The following MDGA2 variants were observed in gnomAD, a reference collection of about 807,000 sequenced individuals.
MDGA2 encodes the protein MAM domain-containing glycosylphosphatidylinositol anchor protein 2.
Under a neutral mutation model 117.8 loss-of-function variants are expected in MDGA2, and 40 were observed. The ratio of observed to expected loss-of-function variants is 0.34; its 90% CI spans 0.26 to 0.44. The LOEUF is 0.44. MDGA2 is among the 20% of genes least tolerant of loss of function. MDGA2 has a pLI of 1.00. For missense variants in MDGA2, 1,123 were observed against 1,250.6 expected (o/e 0.90, Z 1.54); for synonymous variants, 452 against 439.0 (o/e 1.03, Z -0.37).
chr14:47,552,961 T>C (rs1442332908), intron 1 of MDGA2, among the ~76,000 whole-genome samples: 1 of 152,204 alleles, frequency 6.6e-6, no homozygotes, highest in Non-Finnish European at 1.5e-5. Context: ...CGTTCAGATA[T>C]TTACTCAAAT....
chr14:47,491,651 C>G (rs1343250401), intron 1 of MDGA2, among the ~76,000 whole-genome samples: 1 of 152,026 alleles, frequency 6.6e-6, no homozygotes, highest in Non-Finnish European at 1.5e-5. Context: ...GAACTGGTAT[C>G]CCAGATATAC....
Position 47,155,349 on chromosome 14 carries a change from C to T in MDGA2, c.596-11075G>A, listed in dbSNP as rs139850900. ...ACATGCCTCCCTGCTTGCCACATTGCGGATGATGAGAAGAAGAGAAGACAG... is the reference window on the plus strand; with the variant it reads ...ACATGCCTCCCTGCTTGCCACATTGTGGATGATGAGAAGAAGAGAAGACAG... On this transcript the variant is annotated intron_variant, in intron 3 of 16. Coordinates refer to ENST00000399232, the MANE Select transcript of MDGA2 (RefSeq NM_001113498.3). Among the ~76,000 whole-genome samples, 310 of 151,948 alleles carry T rather than the reference C, an allele frequency of 2.0e-3. 1 individual carries two copies. The highest frequency in any genetic ancestry group is 3.4e-3 in the Non-Finnish European group (230 of 68,002).
intron 1 of MDGA2, among the ~76,000 whole-genome samples, chr14:47,345,076 C>A (rs970185313): frequency 1.3e-5 from 2 of 151,912 alleles, no homozygotes; most frequent in Non-Finnish European, 2.9e-5. Context: ...TCTCACATTT[C>A]TCTCCTTAGG....
intron 9 of MDGA2, among the ~76,000 whole-genome samples, chr14:46,941,705 T>C (rs910679843): frequency 2.0e-5 from 3 of 151,990 alleles, no homozygotes; most frequent in Non-Finnish European, 1.5e-5. Flanking sequence ...GTACTAAACA[T>C]AGGATATTAA....
intron 1 of MDGA2, among the ~76,000 whole-genome samples, chr14:47,448,466 C>A (rs1458795648): frequency 6.6e-6 from 1 of 151,998 alleles, no homozygotes; most frequent in Non-Finnish European, 1.5e-5. Flanking sequence ...TCCCCCCACT[C>A]CAATCAACAA....
At chr14:47,339,422 C>A (rs1318486639) in intron 1 of MDGA2, among the ~76,000 whole-genome samples, 3 of 151,968 alleles carry the variant, frequency 2.0e-5, no homozygotes, top group Admixed American at 6.6e-5. Flanking sequence ...GGAATTTAAT[C>A]CCCAGTGTGG....
chr14:47,607,855 T>C, intron 1 of MDGA2, among the ~76,000 whole-genome samples: 1 of 152,174 alleles, frequency 6.6e-6, no homozygotes, highest in East Asian at 1.9e-4. Context: ...TACTCTTGTG[T>C]ATATTAGAAA....
intron 1 of MDGA2, among the ~76,000 whole-genome samples, chr14:47,560,513 GTGTC>G (rs1189355172): frequency 6.6e-6 from 1 of 152,124 alleles, no homozygotes; most frequent in African/African-American, 2.4e-5. Context: ...CTTTTGAAAA[GTGTC>G]TGTTCATGTC....
At chr14:47,225,046 C>T (rs542282817) in intron 2 of MDGA2, among the ~76,000 whole-genome samples, 42 of 152,284 alleles carry the variant, frequency 2.8e-4, no homozygotes, top group Admixed American at 2.0e-3. Context: ...AAAAGAACCA[C>T]AATTTTCTAA....
At chr14:47,147,882 A>AT (rs974107965) in intron 3 of MDGA2, among the ~76,000 whole-genome samples, 7 of 152,080 alleles carry the variant, frequency 4.6e-5, no homozygotes, top group African/African-American at 1.7e-4. Flanking sequence ...ATTTTTTGGT[A>AT]TAGGTAGCTT....
chr14:47,439,201 G>GAT (rs1413666329), intron 1 of MDGA2, among the ~76,000 whole-genome samples: 3 of 152,012 alleles, frequency 2.0e-5, no homozygotes, highest in Admixed American at 6.6e-5. Context: ...TTATGATAGA[G>GAT]ATATATATAG....
intron 1 of MDGA2, among the ~76,000 whole-genome samples, chr14:47,342,281 T>TATAA (rs1491098975): frequency 4.9e-5 from 4 of 82,414 alleles, no homozygotes; most frequent in African/African-American, 1.0e-4. Context: ...TATATATATA[T>TATAA]AAAATATGTT....
intron 1 of MDGA2, among the ~76,000 whole-genome samples, chr14:47,581,067 A>G (rs1462195669): frequency 6.6e-6 from 1 of 151,992 alleles, no homozygotes; most frequent in Non-Finnish European, 1.5e-5. Context: ...TTTCTTCAAT[A>G]ATTTGCTTTA....
chr14:47,081,339 T>A (rs1890701361), intron 6 of MDGA2, among the ~76,000 whole-genome samples: 1 of 152,142 alleles, frequency 6.6e-6, no homozygotes, highest in Non-Finnish European at 1.5e-5. Flanking sequence ...AAGATGTCTC[T>A]AAGTATCAAA....
chr14:47,306,847 G>GAC (rs976368691), intron 1 of MDGA2, among the ~76,000 whole-genome samples: 1 of 80,456 alleles, frequency 1.2e-5, no homozygotes, highest in Non-Finnish European at 3.0e-5. Context: ...AAGAGGGAGA[G>GAC]AGAGAGAGAG....
rs537816542 is a variant in MDGA2, at chr14:46,879,228, T to C, written c.2417-1719A>G. ...AGACACCAGAGAGCTCTCTCTGCCATGTGAAGAAGACATGGTGAAAAAGTG... is the reference window on the plus strand; with the variant it reads ...AGACACCAGAGAGCTCTCTCTGCCACGTGAAGAAGACATGGTGAAAAAGTG... On this transcript the variant is annotated intron_variant, in intron 11 of 16. Coordinates refer to ENST00000399232, the MANE Select transcript of MDGA2 (RefSeq NM_001113498.3). Among the ~76,000 whole-genome samples, 6 of 152,114 alleles carry C rather than the reference T, an allele frequency of 3.9e-5. No homozygotes were observed. The South Asian group carries it at 1.2e-3, about 32-fold the overall frequency.
intron 1 of MDGA2, among the ~76,000 whole-genome samples, chr14:47,651,213 G>GGTGT (rs56853118): frequency 0.013 from 1,864 of 146,494 alleles, 41 homozygotes; most frequent in East Asian, 0.094. Context: ...GTGTGCATGT[G>GGTGT]GTGTGTGTGT....
At chr14:47,466,584 G>A (rs1893608938) in intron 1 of MDGA2, among the ~76,000 whole-genome samples, 3 of 152,068 alleles carry the variant, frequency 2.0e-5, no homozygotes, top group Non-Finnish European at 2.9e-5. Flanking sequence ...TTACAATACA[G>A]GGATGTCCAT....
At chr14:46,906,966 CTTTTTCTT>C (rs1267774585) in intron 10 of MDGA2, among the ~76,000 whole-genome samples, 2 of 132,796 alleles carry the variant, frequency 1.5e-5, no homozygotes, top group Non-Finnish European at 3.1e-5. Context: ...CTTTGCTTAC[CTTTTTCTT>C]TTTTTTTTTT....
Sources: allele counts gnomAD v4.1 joint callset (sites outside exome capture counted in the v4.1 genomes callset), GRCh38; gene constraint gnomAD v4.1.1; transcripts MANE v1.5; gene names NCBI Gene and HGNC (gene_info 2026-07-23, HGNC 2026-07-21).